HORMAD1: variants seen among roughly 807,000 people sequenced by gnomAD.
HORMAD1 encodes HORMA domain containing 1.
A neutral mutation model predicts 58.2 loss-of-function variants in HORMAD1; 33 were observed. That is an observed-to-expected ratio of 0.57 (90% CI 0.43 to 0.76). The LOEUF is 0.76. HORMAD1 is among the 30% of genes least tolerant of loss of function. The probability of loss-of-function intolerance (pLI) is 0.00; values close to 1 mark genes in which losing one functional copy is unlikely to be tolerated. For synonymous variants in HORMAD1, 137 were observed against 144.6 expected, an observed-to-expected ratio of 0.95 and a Z score of 0.38; for missense variants, 363 against 462.0, an observed-to-expected ratio of 0.79 and a Z score of 1.96.
rs375084230 is a variant in HORMAD1 at position 150,699,920 on chromosome 1, T to C, written c.1104+192A>G. 1.4e-4 allele frequency among the ~76,000 whole-genome samples: 22 copies of C among 152,232 alleles called. No homozygotes were observed. The South Asian group carries it at 4.3e-3, about 30-fold the overall frequency. ...GAGATGTTTACATGGAAAAAACTAA[T>C]AAACCAACATAGGGCATCTTATTTC... On this transcript the variant is annotated intron_variant, in intron 14 of 14. Transcript: ENST00000361824.
Position 150,704,117 on chromosome 1 carries a change from C to A in HORMAD1, c.948+1G>T. ...GTGAGATGAAACTATCAAGTTTATA[C>A]CTGAGAATGAGAAATAGAAAGATCT... On this transcript the variant is annotated splice_donor_variant, in intron 12 of 14. Coordinates refer to ENST00000361824, the MANE Select transcript of HORMAD1 (RefSeq NM_032132.5). LOFTEE classifies it high-confidence loss of function. 1 of 1,573,192 alleles carries A rather than the reference C, an allele frequency of 6.4e-7. No homozygotes were observed. The highest frequency in any genetic ancestry group is 1.2e-5 in the South Asian group (1 of 83,876).
At chr1:150,705,226 T>A (rs1248253891) in intron 10 of HORMAD1, among the ~76,000 whole-genome samples, 1 of 150,416 alleles carries the variant, frequency 6.6e-6, no homozygotes, top group Non-Finnish European at 1.5e-5. Flanking sequence ...GGACAAATGA[T>A]AAAAATATAC....
chr1:150,709,894 G>A (rs1007283960), intron 7 of HORMAD1, among the ~76,000 whole-genome samples: 409 of 152,264 alleles, frequency 2.7e-3, no homozygotes, highest in South Asian at 8.3e-3. Context: ...TTACGTGTAC[G>A]TCCAGTCATA....
In HORMAD1 at chr1:150,713,418, A is replaced by C. The variant is rs184705690; in HGVS notation, c.279+667T>G. 2.6e-5 allele frequency among the ~76,000 whole-genome samples: 4 copies of C among 152,188 alleles called. No homozygotes were observed. The East Asian group carries it at 7.7e-4, about 29-fold the overall frequency. ...GGGAAGATTAGGAACCATGAATAAA[A>C]ATTAATCTTCTTGAGGCTGAGGCAG... On this transcript the variant is annotated intron_variant, in intron 5 of 14. Coordinates refer to ENST00000361824, the MANE Select transcript of HORMAD1 (RefSeq NM_032132.5).
Position 150,719,479 on chromosome 1 carries a change from A to T in HORMAD1, c.27T>A (p.Thr9=). Residue 9 remains threonine (T), a synonymous_variant, in exon 2 of 15, where the codon ACT becomes ACA. Coordinates refer to ENST00000361824, the MANE Select transcript of HORMAD1 (RefSeq NM_032132.5). ...AAAATACAAGAAATCATACCATGGG[A>T]GTCCTCTGCAACTGGGCAGTGGCCA... MATAQLQR[T]PMSALVFPNK... 6.3e-7 allele frequency: 1 copy of T among 1,575,044 alleles called. No homozygotes were observed. The highest frequency in any genetic ancestry group is 8.7e-7 in the Non-Finnish European group (1 of 1,155,556).
rs767280491 is a variant in HORMAD1 at position 150,719,466 on chromosome 1, A to G, written c.33+7T>C. 1.9e-6 allele frequency: 3 copies of G among 1,553,432 alleles called. No individual in the cohort carries two copies. In the African/African-American group the frequency reaches 4.1e-5, roughly 21 times the overall value. ...ATTAAGATATACCAAAATACAAGAA[A>G]TCATACCATGGGAGTCCTCTGCAAC... On this transcript the variant is annotated splice_region_variant and intron_variant, in intron 2 of 14. Transcript: ENST00000361824.
At chr1:150,699,674 G>A (rs1382512942) in intron 14 of HORMAD1, among the ~76,000 whole-genome samples, 1 of 149,314 alleles carries the variant, frequency 6.7e-6, no homozygotes, top group Non-Finnish European at 1.5e-5. Context: ...ACAGGCGTGC[G>A]CCACCACGCC....
chr1:150,704,453 A>G (rs1651628549), intron 10 of HORMAD1, 110 bp from the exon 11 acceptor site: 1 of 688,398 alleles, frequency 1.5e-6, no homozygotes, highest in South Asian at 1.9e-5. Flanking sequence ...TAAATACAAT[A>G]TAAAACTACT....
intron 14 of HORMAD1, 82 bp downstream of exon 14, chr1:150,700,030 T>G: frequency 3.1e-6 from 2 of 652,018 alleles, no homozygotes; most frequent in South Asian, 2.2e-5. Flanking sequence ...GATATCAAAT[T>G]CATCATTTTA....
chr1:150,717,835 C>A (rs1652132420), intron 2 of HORMAD1, among the ~76,000 whole-genome samples: 1 of 152,016 alleles, frequency 6.6e-6, no homozygotes, highest in South Asian at 2.1e-4. Flanking sequence ...GTAATCCCAG[C>A]ACTTGGGAGG....
At chr1:150,717,564 C>T (rs1307909727) in intron 2 of HORMAD1, among the ~76,000 whole-genome samples, 2 of 151,750 alleles carry the variant, frequency 1.3e-5, no homozygotes, top group East Asian at 1.9e-4. Context: ...ATTGCCCAGG[C>T]TGGAGTGCAG....
intron 10 of HORMAD1, 139 bp downstream of exon 10, chr1:150,706,414 C>A (rs984874110): frequency 9.3e-6 from 7 of 750,754 alleles, no homozygotes; most frequent in Non-Finnish European, 1.5e-5. Context: ...TAGGCCTAGA[C>A]TTTAAGGTCC....
At chr1:150,712,792 G>A (rs1285133951) in intron 5 of HORMAD1, among the ~76,000 whole-genome samples, 1 of 152,088 alleles carries the variant, frequency 6.6e-6, no homozygotes, top group Non-Finnish European at 1.5e-5. Context: ...GGTGATCCAC[G>A]TGTCTTGGCC....
intron 10 of HORMAD1, among the ~76,000 whole-genome samples, chr1:150,706,270 C>A (rs1011294302): frequency 2.6e-5 from 4 of 152,296 alleles, no homozygotes; most frequent in Middle Eastern, 3.4e-3. Flanking sequence ...GGGGTTTCCT[C>A]AGAGTCCACT....
intron 5 of HORMAD1, among the ~76,000 whole-genome samples, chr1:150,713,529 C>G (rs948653361): frequency 6.6e-6 from 1 of 151,676 alleles, no homozygotes; most frequent in Non-Finnish European, 1.5e-5. Context: ...GAGCAAGACT[C>G]CATCTCAAAA....
At chr1:150,711,179 T>C (rs1651892234) in intron 7 of HORMAD1, among the ~76,000 whole-genome samples, 2 of 152,182 alleles carry the variant, frequency 1.3e-5, no homozygotes, top group South Asian at 2.1e-4. Flanking sequence ...TTGGGATGAA[T>C]ATTCGAAGTT....
At chr1:150,710,796 A>C (rs1651852315) in intron 7 of HORMAD1, among the ~76,000 whole-genome samples, 1 of 152,244 alleles carries the variant, frequency 6.6e-6, no homozygotes, top group Non-Finnish European at 1.5e-5. Flanking sequence ...ACACCAGTTT[A>C]AATCTACCTC....
chr1:150,718,046 T>C lies in HORMAD1; in HGVS notation c.34-764A>G, dbSNP rs1231260000. Among the ~76,000 whole-genome samples the C allele has an allele frequency of 2.6e-5, 4 of 152,224 alleles. No homozygotes were observed. The South Asian group carries it at 8.3e-4, about 32-fold the overall frequency. On this transcript the variant is annotated intron_variant, in intron 2 of 14. Transcript: ENST00000361824. Reference sequence around the variant, plus strand: ...GAATAAAACAAATGTTAATAGTGGCTGGTATTTTAAAAACACCTTTTTGGG... The same window carrying C: ...GAATAAAACAAATGTTAATAGTGGCCGGTATTTTAAAAACACCTTTTTGGG...
chr1:150,713,554 T>C (rs1242006973), intron 5 of HORMAD1, among the ~76,000 whole-genome samples: 1 of 152,018 alleles, frequency 6.6e-6, no homozygotes, highest in Non-Finnish European at 1.5e-5. Flanking sequence ...AAAAATTTCA[T>C]CTTCTTCACA....
Sources: allele counts gnomAD v4.1 joint callset (sites outside exome capture counted in the v4.1 genomes callset), GRCh38; gene constraint gnomAD v4.1.1; transcripts MANE v1.5; gene names NCBI Gene and HGNC (gene_info 2026-07-23, HGNC 2026-07-21).